Variants in FOXP1 observed in about 807,000 individuals in gnomAD.
FOXP1 encodes forkhead box protein P1.
FOXP1 carries 15 observed loss-of-function variants against 98.2 expected under a neutral mutation model. The ratio of observed to expected loss-of-function variants is 0.15; its 90% confidence interval spans 0.10 to 0.24. The LOEUF (loss-of-function observed/expected upper bound fraction) is 0.24. FOXP1 is among the 10% of genes least tolerant of loss of function. FOXP1 has a pLI of 1.00. For missense variants in FOXP1, 633 were observed against 848.5 expected (o/e 0.75, Z 3.15); for synonymous variants, 371 against 314.5 (o/e 1.18, Z -1.90).
intron 7 of FOXP1, among the ~76,000 whole-genome samples, chr3:71,063,387 A>G (rs1310268210): frequency 6.6e-6 from 1 of 152,178 alleles, no homozygotes; most frequent in African/African-American, 2.4e-5. Flanking sequence ...CACACATCAA[A>G]CCCTAAACTA....
intron 4 of FOXP1, among the ~76,000 whole-genome samples, chr3:71,336,248 T>TA (rs2076672768): frequency 7.1e-6 from 1 of 140,366 alleles, no homozygotes; most frequent in Non-Finnish European, 1.6e-5. Flanking sequence ...TATAAAAACA[T>TA]AAAAAATTTT....
chr3:71,334,141 C>G (rs1441799654), intron 4 of FOXP1: 1 of 152,128 alleles, frequency 6.6e-6, no homozygotes, highest in African/African-American at 2.4e-5. Context: ...GGTGTGGTGG[C>G]TCACGCCTGT....
rs77200340 is a variant in FOXP1, at chr3:71,107,811, C to T, written c.282+4725G>A. Reference sequence around the variant, plus strand: ...TGATATGAGCTACTAAGATTATATGCGGCATTAATGCAAAGCAAAATGCTG... The same window carrying T: ...TGATATGAGCTACTAAGATTATATGTGGCATTAATGCAAAGCAAAATGCTG... On this transcript the variant is annotated intron_variant, in intron 7 of 20. Transcript: ENST00000649528. 4.7e-3 allele frequency among the ~76,000 whole-genome samples: 716 copies of T among 152,188 alleles called. 7 individuals carry two copies. Among genetic ancestry groups the T allele is most frequent in the African/African-American group, 0.016 (668 of 41,508 alleles).
At chr3:71,116,903 T>C (rs953174297) in intron 6 of FOXP1, among the ~76,000 whole-genome samples, 2 of 152,232 alleles carry the variant, frequency 1.3e-5, no homozygotes, top group African/African-American at 2.4e-5. Context: ...CTTATTATAA[T>C]GTTCAGTGTT....
In FOXP1 at chr3:71,064,875, C is replaced by A. The variant is rs1387223669; in HGVS notation, c.283-11102G>T. On this transcript the variant is annotated intron_variant, in intron 7 of 20. Coordinates refer to ENST00000649528, the MANE Select transcript of FOXP1 (RefSeq NM_001349338.3). The stretch of plus-strand genomic sequence containing the variant: ...CGCGCGGAGCCGGGCTCGGGGCGCC[C>A]GCGCGGGCCGGGCGTGGGGTCCGGC... 6 of 956,162 alleles carry A rather than the reference C, an allele frequency of 6.3e-6. No individual in the cohort carries two copies. In the African/African-American group the frequency reaches 8.9e-5, roughly 14 times the overall value. The allele number at this position is 956,162 out of a possible 1,614,324, so 59.2% of individuals were successfully genotyped here.
At chr3:71,067,834 G>A (rs1167233366) in intron 7 of FOXP1, among the ~76,000 whole-genome samples, 3 of 151,416 alleles carry the variant, frequency 2.0e-5, no homozygotes, top group African/African-American at 7.3e-5. Flanking sequence ...AGGATCACTT[G>A]GAGACCAGAA....
Position 70,957,700 on chromosome 3 carries a change from T to C in FOXP1, c.*1547A>G, listed in dbSNP as rs904045029. The C allele has an allele frequency of 8.6e-6, 2 of 233,528 alleles. No individual in the cohort carries two copies. The highest frequency in any genetic ancestry group is 2.2e-5 in the African/African-American group (1 of 45,444). 14.5% of individuals were successfully genotyped at this position (233,528 alleles called of 1,614,324 possible). On this transcript the variant is annotated 3_prime_UTR_variant, in exon 21 of 21. Transcript: ENST00000649528. ...ACCATCACATTTCTGCATACCATGT[T>C]TGGGACCCCCCCAAAGCCCAGGGCC...
intron 14 of FOXP1, among the ~76,000 whole-genome samples, chr3:70,981,359 G>C (rs1012901092): frequency 1.3e-5 from 2 of 152,112 alleles, no homozygotes; most frequent in African/African-American, 2.4e-5. Context: ...GGGCTTACCA[G>C]GCTTGACAAA....
intron 3 of FOXP1, among the ~76,000 whole-genome samples, chr3:71,375,303 C>A (rs1240332388): frequency 1.3e-5 from 2 of 152,194 alleles, no homozygotes; most frequent in African/African-American, 4.8e-5. Context: ...TCTCTTAATT[C>A]TTCCACTCAG....
chr3:71,505,578 G>A (rs1321468327), intron 2 of FOXP1, among the ~76,000 whole-genome samples: 5 of 151,880 alleles, frequency 3.3e-5, no homozygotes, highest in African/African-American at 9.7e-5. Flanking sequence ...GGCGCTTGCC[G>A]CCACGCCCGG....
chr3:71,188,501 G>A (rs1320476408), intron 6 of FOXP1, among the ~76,000 whole-genome samples: 1 of 149,592 alleles, frequency 6.7e-6, no homozygotes, highest in Admixed American at 6.7e-5. Flanking sequence ...TGCAACCTCT[G>A]CCTCCCAGGT....
At chr3:71,012,950 CATTAT>C (rs2107713443) in intron 12 of FOXP1, among the ~76,000 whole-genome samples, 1 of 152,168 alleles carries the variant, frequency 6.6e-6, no homozygotes, top group African/African-American at 2.4e-5. Context: ...TATCATGTAA[CATTAT>C]ATTCAATTCA....
In FOXP1 at chr3:71,015,577, C is replaced by G; in HGVS notation, c.946G>C (p.Val316Leu). 1 of 1,612,886 alleles carries G rather than the reference C, an allele frequency of 6.2e-7. No homozygotes were observed. The highest frequency in any genetic ancestry group is 8.5e-7 in the Non-Finnish European group (1 of 1,179,034). The change falls in exon 12 of 21, where the codon GTG becomes CTG. Residue 316 changes from valine (V) to leucine (L), a missense_variant. Physicochemically the swap from Val to Leu is conservative, Grantham distance 32. Around this residue, in one of 6 missense-constraint regions of FOXP1, gnomAD observed 23 missense variants for 92.9 expected, o/e 0.25. Coordinates refer to ENST00000649528, the MANE Select transcript of FOXP1 (RefSeq NM_001349338.3). Reference sequence around the variant, plus strand: ...AGAAATGATTGGAAATCTTCGCACACTGCTTCACAGCCTGGCCACTTGCAT... The same window carrying G: ...AGAAATGATTGGAAATCTTCGCACAGTGCTTCACAGCCTGGCCACTTGCAT... ...GVCKWPGCEA[V>L]CEDFQSFLKH...
chr3:71,298,770 C>A (rs1012533641), intron 5 of FOXP1, among the ~76,000 whole-genome samples: 1 of 152,092 alleles, frequency 6.6e-6, no homozygotes, highest in Non-Finnish European at 1.5e-5. Flanking sequence ...TAGAACCCCC[C>A]CAAGCCCCAG....
intron 3 of FOXP1, among the ~76,000 whole-genome samples, chr3:71,471,840 T>C (rs1053494771): frequency 6.6e-6 from 1 of 152,140 alleles, no homozygotes; most frequent in Non-Finnish European, 1.5e-5. Flanking sequence ...GATAACTCCA[T>C]GTTCTGATGA....
chr3:71,140,210 G>T (rs1408982932), intron 6 of FOXP1, among the ~76,000 whole-genome samples: 6 of 152,002 alleles, frequency 3.9e-5, no homozygotes, highest in Admixed American at 3.9e-4. Flanking sequence ...CTTAGAGATG[G>T]GACCCAAGTC....
At chr3:71,432,866 A>AAAAAAAAAAAAAAAC (rs142495025) in intron 3 of FOXP1, among the ~76,000 whole-genome samples, 1 of 138,462 alleles carries the variant, frequency 7.2e-6, no homozygotes. Flanking sequence ...AAAAAAAAAA[A>AAAAAAAAAAAAAAAC]TTAAAAAAAA....
At chr3:71,034,925 A>C (rs1338632397) in intron 11 of FOXP1, among the ~76,000 whole-genome samples, 1 of 152,196 alleles carries the variant, frequency 6.6e-6, no homozygotes, top group Non-Finnish European at 1.5e-5. Flanking sequence ...GCTGCTCCCC[A>C]GACCACCTTA....
Position 70,976,256 on chromosome 3 carries a change from G to A in FOXP1, c.1530+685C>T, listed in dbSNP as rs188929822. Reference sequence around the variant, plus strand: ...TTTTGTAGAGACAGGGTCTCGCTACGTTGCCCAGGCTGGTCTCTAACTCCT... The same window carrying A: ...TTTTGTAGAGACAGGGTCTCGCTACATTGCCCAGGCTGGTCTCTAACTCCT... On this transcript the variant is annotated intron_variant, in intron 17 of 20. Coordinates refer to ENST00000649528, the MANE Select transcript of FOXP1 (RefSeq NM_001349338.3). 3.6e-4 allele frequency among the ~76,000 whole-genome samples: 55 copies of A among 151,702 alleles called. No individual in the cohort carries two copies. In the South Asian group the frequency reaches 5.2e-3, roughly 14 times the overall value.
Sources: allele counts gnomAD v4.1 joint callset (sites outside exome capture counted in the v4.1 genomes callset), GRCh38; gene constraint gnomAD v4.1.1; regional missense constraint gnomAD v4.1.1; transcripts MANE v1.5; gene names NCBI Gene and HGNC (gene_info 2026-07-23, HGNC 2026-07-21).